The following ERC1 variants were observed in gnomAD, a reference collection of about 807,000 sequenced individuals.
ERC1 encodes the protein ELKS/RAB6-interacting/CAST family member 1.
Under a neutral mutation model 132.0 loss-of-function variants are expected in ERC1, and 56 were observed. The observed-to-expected ratio is 0.42, with a 90% CI of 0.34 to 0.53. The LOEUF (loss-of-function observed/expected upper bound fraction) is 0.53. Among genes scored for constraint, ERC1 ranks in the 20% least tolerant of loss-of-function variants. The pLI, the probability that ERC1 is intolerant of heterozygous loss-of-function variation, is 0.03. For missense variants in ERC1, 1,202 were observed against 1,349.9 expected, an observed-to-expected ratio of 0.89 and a Z score of 1.72; for synonymous variants, 478 against 476.1, an observed-to-expected ratio of 1.00 and a Z score of -0.05.
intron 2 of ERC1, 141 bp downstream of exon 2, chr12:1,028,713 C>G (rs980284362): frequency 1.3e-6 from 1 of 758,056 alleles, no homozygotes. Flanking sequence ...TTTGTGTCCT[C>G]CATTTCTCAG....
chr12:1,236,692 G>T, intron 12 of ERC1, 77 bp from the exon 13 acceptor site: 2 of 1,399,178 alleles, frequency 1.4e-6, no homozygotes, highest in South Asian at 2.9e-5. Flanking sequence ...TATTGTCACT[G>T]GTGTAAGTCT....
chr12:1,420,921 G>GT (rs1491140508), intron 17 of ERC1, among the ~76,000 whole-genome samples: 7 of 6,490 alleles, frequency 1.1e-3, no homozygotes, highest in Admixed American at 5.1e-3. Flanking sequence ...TTTTGGTTTG[G>GT]GGGGGGGGGG....
chr12:1,405,146 T>TATAAAAATGA (rs147432689), intron 16 of ERC1, among the ~76,000 whole-genome samples: 2 of 142,202 alleles, frequency 1.4e-5, no homozygotes, highest in Admixed American at 1.4e-4. Flanking sequence ...GCTCAAAAAA[T>TATAAAAATGA]ATAAATAAAT....
chr12:1,168,453 A>G (rs745838867), intron 8 of ERC1, among the ~76,000 whole-genome samples: 3 of 151,522 alleles, frequency 2.0e-5, no homozygotes, highest in Non-Finnish European at 4.4e-5. Context: ...GCAGCTAAGC[A>G]AACAACTTTA....
rs114423626 is a variant in ERC1 at position 1,295,782 on chromosome 12, G to T, written c.2780+5770G>T. Among the ~76,000 whole-genome samples the T allele has an allele frequency of 4.8e-3, 727 of 151,220 alleles. 9 individuals carry two copies. The highest frequency in any genetic ancestry group is 0.017 in the African/African-American group (700 of 41,206). On this transcript the variant is annotated intron_variant, in intron 15 of 18. Transcript: ENST00000360905. ...CTTTCAGCAGATCAGCATACCAAAG[G>T]TTAAATCCAAACCTATACAAGTTCA...
intron 6 of ERC1, among the ~76,000 whole-genome samples, chr12:1,113,279 A>G (rs1373543167): frequency 2.0e-5 from 3 of 152,206 alleles, no homozygotes; most frequent in Non-Finnish European, 4.4e-5. Flanking sequence ...AAAGTAGCTA[A>G]CACTTGCACA....
chr12:1,199,472 TA>T (rs144332674), intron 12 of ERC1, among the ~76,000 whole-genome samples: 47 of 150,228 alleles, frequency 3.1e-4, no homozygotes, highest in African/African-American at 8.3e-4. Flanking sequence ...CTGACTTTGT[TA>T]AAAAAAAAAT....
intron 16 of ERC1, among the ~76,000 whole-genome samples, chr12:1,398,950 TTTTTTTTTTTG>T (rs1233685587): frequency 8.0e-5 from 8 of 100,482 alleles, no homozygotes; most frequent in African/African-American, 2.2e-4. Flanking sequence ...TTTTTTTTTT[TTTTTTTTTTTG>T]TTGAAACAAG....
At chr12:1,150,382 A>G (rs1041566259) in intron 8 of ERC1, among the ~76,000 whole-genome samples, 3 of 152,372 alleles carry the variant, frequency 2.0e-5, no homozygotes, top group East Asian at 1.9e-4. Context: ...TCATAGGGAA[A>G]GGATGAATTC....
intron 12 of ERC1, among the ~76,000 whole-genome samples, chr12:1,201,149 C>G (rs1956879215): frequency 6.6e-6 from 1 of 152,108 alleles, no homozygotes. Flanking sequence ...GTGTAGATAA[C>G]TTTCCCTTTC....
intron 3 of ERC1, among the ~76,000 whole-genome samples, chr12:1,099,017 C>T (rs373059483): frequency 1.4e-4 from 22 of 152,020 alleles, no homozygotes; most frequent in African/African-American, 4.1e-4. Flanking sequence ...GGGATTGGGC[C>T]GTTGCTTTGA....
intron 1 of ERC1, among the ~76,000 whole-genome samples, chr12:998,915 A>C (rs549227953): frequency 1.5e-5 from 2 of 135,424 alleles, no homozygotes; most frequent in South Asian, 4.5e-4. Flanking sequence ...GCTGGGGTGC[A>C]GTGGCACAAT....
chr12:1,063,097 C>T (rs1350573156), intron 2 of ERC1, among the ~76,000 whole-genome samples: 1 of 151,890 alleles, frequency 6.6e-6, no homozygotes, highest in African/African-American at 2.4e-5. Flanking sequence ...GAGTTTCACC[C>T]TTGTTGCCCA....
intron 15 of ERC1, among the ~76,000 whole-genome samples, chr12:1,341,930 A>C (rs2083940038): frequency 6.6e-6 from 1 of 152,198 alleles, no homozygotes; most frequent in South Asian, 2.1e-4. Flanking sequence ...GAACTTAAGA[A>C]AAATAAGAAT....
chr12:1,011,543 T>C (rs1201279090), intron 1 of ERC1, among the ~76,000 whole-genome samples: 1 of 152,234 alleles, frequency 6.6e-6, no homozygotes, highest in Non-Finnish European at 1.5e-5. Context: ...TTTACCTGTT[T>C]GGAAAATTTT....
chr12:1,034,099 G>A (rs571761762), intron 2 of ERC1, among the ~76,000 whole-genome samples: 1 of 152,270 alleles, frequency 6.6e-6, no homozygotes, highest in East Asian at 1.9e-4. Flanking sequence ...GTAAAAATGA[G>A]ATTGGTAAAT....
chr12:1,122,558 T>A, intron 7 of ERC1, among the ~76,000 whole-genome samples: 3 of 124,054 alleles, frequency 2.4e-5, no homozygotes, highest in Admixed American at 7.6e-5. Flanking sequence ...TCTCTATCTC[T>A]ATCTCTATCT....
chr12:1,225,088 C>T (rs1298464458), intron 12 of ERC1, among the ~76,000 whole-genome samples: 1 of 151,676 alleles, frequency 6.6e-6, no homozygotes, highest in African/African-American at 2.4e-5. Flanking sequence ...TGTGTATATA[C>T]ATACATTTGG....
At chr12:1,030,960 G>T (rs904463425) in intron 2 of ERC1, among the ~76,000 whole-genome samples, 6 of 152,136 alleles carry the variant, frequency 3.9e-5, no homozygotes, top group African/African-American at 1.4e-4. Context: ...TTTGCACAGT[G>T]ATGAAATCGC....
Sources: allele counts gnomAD v4.1 joint callset (sites outside exome capture counted in the v4.1 genomes callset), GRCh38; gene constraint gnomAD v4.1.1; transcripts MANE v1.5; gene names NCBI Gene and HGNC (gene_info 2026-07-23, HGNC 2026-07-21).